The following NIPA1 variants were observed in gnomAD, a reference collection of about 807,000 sequenced individuals.
NIPA1 encodes NIPA magnesium transporter 1.
Under a neutral mutation model 23.9 loss-of-function variants are expected in NIPA1, and 13 were observed. That is an observed-to-expected ratio of 0.54 (90% CI 0.35 to 0.87). The LOEUF is 0.87. NIPA1 is among the 40% of genes least tolerant of loss of function. The probability of loss-of-function intolerance (pLI) is 0.01; values close to 1 mark genes in which losing one functional copy is unlikely to be tolerated. For synonymous variants in NIPA1, 234 were observed against 202.9 expected (o/e 1.15, Z -1.30); for missense variants, 362 against 429.7 (o/e 0.84, Z 1.39).
At chr15:22,818,992 G>T (rs1278944478) in intron 3 of NIPA1, among the ~76,000 whole-genome samples, 1 of 151,952 alleles carries the variant, frequency 6.6e-6, no homozygotes, top group Non-Finnish European at 1.5e-5. Flanking sequence ...CTGCATTTCT[G>T]GTTTCTCCTT....
rs796109874 is a variant in NIPA1, at chr15:22,791,487, TTTTTTTTTTTTTG to T, written c.178+4655_178+4667del. 1.3e-3 allele frequency among the ~76,000 whole-genome samples: 161 copies of T among 124,718 alleles called. 1 individual carries two copies. Among genetic ancestry groups the T allele is most frequent in the African/African-American group, 4.7e-3 (146 of 31,312 alleles). The allele number at this position is 124,718 out of a possible 152,430, so 81.8% of individuals were successfully genotyped here. On this transcript the variant is annotated intron_variant, in intron 1 of 4. Transcript: ENST00000337435. ...GCTTCCTCTTTCACTTTTTTTTTTT[TTTTTTTTTTTTTG>T]TGAGACGGAGTGTTGCTCTGTTGCC...
chr15:22,821,327 A>G (rs948894741), intron 4 of NIPA1, among the ~76,000 whole-genome samples: 1 of 152,220 alleles, frequency 6.6e-6, no homozygotes, highest in Admixed American at 6.5e-5. Context: ...GACTTAAAGT[A>G]TAGATTTCAC....
intron 3 of NIPA1, among the ~76,000 whole-genome samples, chr15:22,818,894 T>G (rs1299001722): frequency 1.3e-5 from 2 of 152,180 alleles, no homozygotes; most frequent in African/African-American, 4.8e-5. Flanking sequence ...ACTGTCCACT[T>G]TCGTGCATGG....
At position 22,823,787 on chromosome 15, in the gene NIPA1, G is replaced by A. The variant is rs776493384; in HGVS notation, c.538G>A (p.Ala180Thr). 4.3e-6 allele frequency: 7 copies of A among 1,613,538 alleles called. No individual in the cohort carries two copies. The highest frequency in any genetic ancestry group is 5.9e-6 in the Non-Finnish European group (7 of 1,179,768). ...LMLLLLIFWI[A>T]PAHGPTNIMV... is the part of the protein sequence containing the mutation. ...GCTGCTGCTGCTCATCTTCTGGATC[G>A]CGCCGGCCCATGGGCCCACCAACAT... Residue 180 changes from alanine (A) to threonine (T), a missense_variant, in exon 5 of 5, where the codon GCG (alanine) becomes ACG (threonine). By Grantham distance (58) the Ala-to-Thr change is moderately conservative. Transcript: ENST00000337435.
chr15:22,821,672 C>A (rs1411413810), intron 4 of NIPA1, among the ~76,000 whole-genome samples: 1 of 150,196 alleles, frequency 6.7e-6, no homozygotes, highest in Non-Finnish European at 1.5e-5. Flanking sequence ...TCCACACTCG[C>A]TGGTTTGCAT....
At chr15:22,805,922 CTTAT>C (rs1012627028) in intron 1 of NIPA1, among the ~76,000 whole-genome samples, 5 of 151,226 alleles carry the variant, frequency 3.3e-5, no homozygotes, top group Non-Finnish European at 7.4e-5. Flanking sequence ...TTTTTTTTTA[CTTAT>C]TTATTTATTT....
chr15:22,794,664 G>A (rs1894905095), intron 1 of NIPA1, among the ~76,000 whole-genome samples: 1 of 152,090 alleles, frequency 6.6e-6, no homozygotes, highest in Admixed American at 6.5e-5. Flanking sequence ...CCCATTTCGA[G>A]TCCCCAAGCC....
At chr15:22,799,598 C>A (rs570183814) in intron 1 of NIPA1, among the ~76,000 whole-genome samples, 1 of 151,860 alleles carries the variant, frequency 6.6e-6, no homozygotes, top group Non-Finnish European at 1.5e-5. Context: ...CTGGCTAACA[C>A]GGTGAAACCC....
chr15:22,820,581 G>A (rs1798090104), intron 4 of NIPA1, 108 bp downstream of exon 4: 1 of 841,914 alleles, frequency 1.2e-6, no homozygotes, highest in South Asian at 1.3e-5. Flanking sequence ...GGAACCGTGT[G>A]TCCACCCTGA....
chr15:22,808,714 G>A (rs1214388813), intron 1 of NIPA1, among the ~76,000 whole-genome samples: 1 of 121,766 alleles, frequency 8.2e-6, no homozygotes, highest in East Asian at 3.0e-4. Context: ...CTATCACCCA[G>A]GCTGGAATGA....
chr15:22,813,453 C>CG (rs1555373412), intron 3 of NIPA1, among the ~76,000 whole-genome samples: 2 of 152,140 alleles, frequency 1.3e-5, no homozygotes, highest in South Asian at 4.1e-4. Flanking sequence ...GCTGGACTCT[C>CG]TGTTTACTTA....
chr15:22,804,891 C>T (rs1895172575), intron 1 of NIPA1, among the ~76,000 whole-genome samples: 1 of 151,962 alleles, frequency 6.6e-6, no homozygotes, highest in African/African-American at 2.4e-5. Flanking sequence ...GGCTGGAGTG[C>T]AGTGGCGCAA....
intron 4 of NIPA1, among the ~76,000 whole-genome samples, chr15:22,821,209 C>T (rs985974409): frequency 6.6e-6 from 1 of 152,102 alleles, no homozygotes; most frequent in African/African-American, 2.4e-5. Flanking sequence ...TCGTGATCCG[C>T]CCACCTCGCC....
intron 1 of NIPA1, among the ~76,000 whole-genome samples, chr15:22,807,523 T>C (rs1052056541): frequency 6.6e-6 from 1 of 151,890 alleles, no homozygotes; most frequent in Non-Finnish European, 1.5e-5. Context: ...AGATGGAGGT[T>C]GCAGTGAACT....
chr15:22,822,441 T>G (rs11630188), intron 4 of NIPA1, among the ~76,000 whole-genome samples: 99,415 of 151,874 alleles, frequency 0.65, 34,265 homozygotes, highest in South Asian at 0.86. Flanking sequence ...CAGCTTAAAG[T>G]CCTCCCTCCT....
intron 3 of NIPA1, among the ~76,000 whole-genome samples, chr15:22,815,136 T>C (rs1169254939): frequency 6.6e-6 from 1 of 152,202 alleles, no homozygotes. Context: ...TAGCATAAGT[T>C]ATGATTCTTT....
chr15:22,810,829 T>C, intron 2 of NIPA1, 33 bp downstream of exon 2: 2 of 1,563,348 alleles, frequency 1.3e-6, no homozygotes, highest in Non-Finnish European at 1.8e-6. Context: ...TCTGGTCTTT[T>C]CCTTTCTTAG....
chr15:22,824,430 A>C lies in NIPA1; in HGVS notation c.*191A>C. On this transcript the variant is annotated 3_prime_UTR_variant, in exon 5 of 5. Coordinates refer to ENST00000337435, the MANE Select transcript of NIPA1 (RefSeq NM_144599.5). This position sits in a 1 kb window ranked among gnomAD's most constrained non-coding sequence, Gnocchi z 4.1. ...GGCCCAGCCAGCCCTCTGCAGCCCAAACGTCCCCAACGGTTGCCTGGCACC... is the reference window on the plus strand; with the variant it reads ...GGCCCAGCCAGCCCTCTGCAGCCCACACGTCCCCAACGGTTGCCTGGCACC... 1.6e-6 allele frequency: 1 copy of C among 607,106 alleles called. No homozygotes were observed. The allele number at this position is 607,106 out of a possible 1,614,324, so 37.6% of individuals were successfully genotyped here. A position where few individuals can be genotyped will look rare whatever the true frequency, so the allele number is the denominator to read the frequency against.
intron 4 of NIPA1, 127 bp downstream of exon 4, chr15:22,820,600 T>C: frequency 1.3e-6 from 1 of 790,430 alleles, no homozygotes; most frequent in East Asian, 2.4e-5. Flanking sequence ...GATCTGTTAC[T>C]GTAGATCTGT....
Sources: gnomAD v4.1 joint callset for allele counts (sites outside exome capture counted in the v4.1 genomes callset) on GRCh38, gnomAD v4.1.1 for gene constraint, Gnocchi (gnomAD v3.1) non-coding constraint, MANE v1.5 for transcripts, NCBI Gene and HGNC (gene_info 2026-07-23, HGNC 2026-07-21) for gene names.